EPSTI1: variants seen among roughly 807,000 people sequenced by gnomAD.
EPSTI1 encodes epithelial stromal interaction 1.
In EPSTI1, 66 loss-of-function variants were observed where a neutral mutation model predicts 49.9. That is an observed-to-expected ratio of 1.32 (90% CI 1.08 to 1.62). EPSTI1 has a LOEUF of 1.62. EPSTI1 is among the 40% of genes most tolerant of loss of function. The probability of loss-of-function intolerance (pLI) is 0.00; values close to 1 mark genes in which losing one functional copy is unlikely to be tolerated. For missense variants in EPSTI1, 394 were observed against 365.5 expected (o/e 1.08, Z -0.64); for synonymous variants, 137 against 130.7 (o/e 1.05, Z -0.33).
chr13:42,913,846 A>G (rs1338494795), intron 8 of EPSTI1, among the ~76,000 whole-genome samples: 1 of 152,178 alleles, frequency 6.6e-6, no homozygotes, highest in African/African-American at 2.4e-5. Flanking sequence ...TGGGGAAGGG[A>G]CATGATGCAA....
At chr13:42,891,369 G>T (rs547697727) in intron 10 of EPSTI1, among the ~76,000 whole-genome samples, 4 of 152,186 alleles carry the variant, frequency 2.6e-5, no homozygotes, top group African/African-American at 9.7e-5. Flanking sequence ...CGTTTAATGG[G>T]AAGACAGTAA....
chr13:42,941,427 C>T (rs1019975417), intron 6 of EPSTI1, among the ~76,000 whole-genome samples: 3 of 151,658 alleles, frequency 2.0e-5, no homozygotes, highest in Non-Finnish European at 4.4e-5. Context: ...TAATTTTTCC[C>T]CAATAGTCAT....
rs368433988 is a variant in EPSTI1 at position 42,906,751 on chromosome 13, A to G, written c.742-6368T>C. ...AGCTACCACCCAAAATTTTCAGAGC[A>G]CCAACCAAATCAAAGGAAATAAATA... is the stretch of plus-strand genomic sequence containing the variant. On this transcript the variant is annotated intron_variant, in intron 8 of 10. Coordinates refer to ENST00000313624, the MANE Select transcript of EPSTI1 (RefSeq NM_033255.5). Among the ~76,000 whole-genome samples the G allele has an allele frequency of 3.4e-4, 52 of 152,350 alleles. 1 individual carries two copies. In the South Asian group the frequency reaches 9.5e-3, roughly 28 times the overall value.
At chr13:42,899,564 A>G (rs1415682557) in intron 9 of EPSTI1, among the ~76,000 whole-genome samples, 1 of 152,198 alleles carries the variant, frequency 6.6e-6, no homozygotes, top group Non-Finnish European at 1.5e-5. Context: ...GTTTAGTGAC[A>G]GTGGGAAGGT....
intron 8 of EPSTI1, among the ~76,000 whole-genome samples, chr13:42,913,619 G>A (rs189012399): frequency 6.6e-6 from 1 of 152,338 alleles, no homozygotes; most frequent in East Asian, 1.9e-4. Flanking sequence ...AATCCCTGGA[G>A]CTGGGGTAGC....
At chr13:42,972,779 G>T (rs1402965534) in intron 1 of EPSTI1, among the ~76,000 whole-genome samples, 3 of 151,890 alleles carry the variant, frequency 2.0e-5, no homozygotes, top group African/African-American at 7.3e-5. Context: ...CTTTAGTTAG[G>T]AACAAGTCAA....
intron 6 of EPSTI1, chr13:42,933,863 C>T (rs891726102): frequency 2.6e-5 from 4 of 152,938 alleles, no homozygotes; most frequent in Non-Finnish European, 5.9e-5. Flanking sequence ...CCTGCATGGA[C>T]TTCCTGGTTC....
intron 7 of EPSTI1, among the ~76,000 whole-genome samples, chr13:42,926,026 T>TGGAA (rs60372725): frequency 6.2e-4 from 88 of 142,732 alleles, no homozygotes; most frequent in African/African-American, 2.1e-3. Flanking sequence ...GATGCATGGA[T>TGGAA]GGAAGGAAGG....
rs117003617 is a variant in EPSTI1, at chr13:42,923,087, A to G, written c.657+3249T>C. Among the ~76,000 whole-genome samples, 31 of 152,330 alleles carry G rather than the reference A, an allele frequency of 2.0e-4. 1 individual carries two copies. In the East Asian group the frequency reaches 6.0e-3, roughly 29 times the overall value. On this transcript the variant is annotated intron_variant, in intron 7 of 10. Coordinates refer to ENST00000313624, the MANE Select transcript of EPSTI1 (RefSeq NM_033255.5). ...CAGAGGACTAGAAAGGGGCCATTCT[A>G]AAGAAAGAGACAGAATCTAGAATTA...
chr13:42,979,307 A>G (rs187793433), intron 1 of EPSTI1, among the ~76,000 whole-genome samples: 1 of 152,356 alleles, frequency 6.6e-6, no homozygotes, highest in African/African-American at 2.4e-5. Flanking sequence ...GGTGGGGCAC[A>G]GTGGCTTATG....
intron 8 of EPSTI1, among the ~76,000 whole-genome samples, chr13:42,912,053 A>G (rs1278776013): frequency 6.6e-6 from 1 of 152,196 alleles, no homozygotes; most frequent in South Asian, 2.1e-4. Flanking sequence ...TGATTCTTGT[A>G]TATATTTTGA....
intron 10 of EPSTI1, among the ~76,000 whole-genome samples, chr13:42,890,655 A>AT (rs1391342619): frequency 1.3e-5 from 2 of 151,982 alleles, no homozygotes; most frequent in African/African-American, 4.8e-5. Context: ...TTTTTATTAG[A>AT]TTTTTTATTT....
chr13:42,889,259 AT>A, intron 10 of EPSTI1: 3 of 1,485,306 alleles, frequency 2.0e-6, no homozygotes, highest in Non-Finnish European at 2.7e-6. Flanking sequence ...AAATAAAAAA[AT>A]ATATTTTTTA....
chr13:42,922,765 A>C lies in EPSTI1; in HGVS notation c.657+3571T>G, dbSNP rs1004469779. Among the ~76,000 whole-genome samples the C allele has an allele frequency of 6.6e-6, 1 of 152,208 alleles. No individual in the cohort carries two copies. Among genetic ancestry groups the C allele is most frequent in the African/African-American group, 2.4e-5 (1 of 41,452 alleles). On this transcript the variant is annotated intron_variant, in intron 7 of 10. Transcript: ENST00000313624. The surrounding 1 kb of genome is among the most constrained non-coding windows in gnomAD (Gnocchi z 4.8). ...AGCATGTGACACGTAGATAAAAATT[A>C]CAATAATCAACCTGCACTGAGTGCT...
In EPSTI1 at chr13:42,991,977, C is replaced by A; in HGVS notation, c.188+1G>T. ...CGAAGCCAGGTTGTTAAAATACTCACCGCCTCTGGCCCGCGTGCACGACGC... is the reference window on the plus strand; with the variant it reads ...CGAAGCCAGGTTGTTAAAATACTCAACGCCTCTGGCCCGCGTGCACGACGC... On this transcript the variant is annotated splice_donor_variant, in intron 1 of 10. Transcript: ENST00000313624. LOFTEE classifies it high-confidence loss of function. 1 of 1,612,660 alleles carries A rather than the reference C, an allele frequency of 6.2e-7. No individual in the cohort carries two copies. The highest frequency in any genetic ancestry group is 8.5e-7 in the Non-Finnish European group (1 of 1,179,832).
chr13:42,951,012 T>C (rs542393389), intron 6 of EPSTI1, among the ~76,000 whole-genome samples: 62 of 152,100 alleles, frequency 4.1e-4, no homozygotes, highest in Admixed American at 3.2e-3. Context: ...TAAAAATTCA[T>C]TGGGTGTGGT....
Position 42,888,137 on chromosome 13 carries a change from A to G in EPSTI1, c.*357T>C, listed in dbSNP as rs536880672. On this transcript the variant is annotated 3_prime_UTR_variant, in exon 11 of 11. Transcript: ENST00000313624. ...AACCTGATCTGAGAATTAGATAAGA[A>G]TATGTCACTTAGAAAGACAAGCCTG... 11 of 1,275,894 alleles carry G rather than the reference A, an allele frequency of 8.6e-6. No individual in the cohort carries two copies. The highest frequency in any genetic ancestry group is 2.3e-5 in the Admixed American group (1 of 43,714). 79.0% of individuals were successfully genotyped at this position (1,275,894 alleles called of 1,614,324 possible). A position where few individuals can be genotyped will look rare whatever the true frequency, so the allele number is the denominator to read the frequency against.
At chr13:42,908,750 C>T (rs997905872) in intron 8 of EPSTI1, among the ~76,000 whole-genome samples, 1 of 151,912 alleles carries the variant, frequency 6.6e-6, no homozygotes, top group South Asian at 2.1e-4. Context: ...GGTACTCAAA[C>T]AACTCAATAG....
chr13:42,939,487 G>A (rs111572621), intron 6 of EPSTI1, among the ~76,000 whole-genome samples: 21 of 152,168 alleles, frequency 1.4e-4, no homozygotes, highest in African/African-American at 5.1e-4. Context: ...GTTATTAATT[G>A]GCCTAATTTC....
Sources: gnomAD v4.1 joint callset for allele counts (sites outside exome capture counted in the v4.1 genomes callset) on GRCh38, gnomAD v4.1.1 for gene constraint, Gnocchi (gnomAD v3.1) non-coding constraint, MANE v1.5 for transcripts, NCBI Gene and HGNC (gene_info 2026-07-23, HGNC 2026-07-21) for gene names.